Variants in SSPN observed in about 807,000 individuals in gnomAD.
SSPN encodes the protein K-ras oncogene-associated protein.
A neutral mutation model predicts 19.1 loss-of-function variants in SSPN; 15 were observed. The ratio of observed to expected loss-of-function variants is 0.78; its 90% CI spans 0.52 to 1.21. The LOEUF is 1.21. Ranked by LOEUF, SSPN falls within the 50% of genes most tolerant of loss-of-function variation. The pLI is 0.00. For synonymous variants in SSPN, 147 were observed against 140.3 expected, an observed-to-expected ratio of 1.05 and a Z score of -0.34; for missense variants, 291 against 314.0, an observed-to-expected ratio of 0.93 and a Z score of 0.55.
intron 1 of SSPN, among the ~76,000 whole-genome samples, chr12:26,149,403 C>T (rs984043282): frequency 1.4e-4 from 21 of 152,156 alleles, no homozygotes; most frequent in Non-Finnish European, 2.8e-4. Flanking sequence ...AGGTCAAATT[C>T]TGTCCCTAAT....
intron 1 of SSPN, among the ~76,000 whole-genome samples, chr12:26,208,480 A>G (rs984213241): frequency 6.6e-6 from 1 of 152,004 alleles, no homozygotes; most frequent in Non-Finnish European, 1.5e-5. Context: ...TACTTTTGTT[A>G]CTTAATCTTT....
chr12:26,213,054 A>G (rs1346334625), intron 1 of SSPN, among the ~76,000 whole-genome samples: 1 of 151,992 alleles, frequency 6.6e-6, no homozygotes, highest in African/African-American at 2.4e-5. Flanking sequence ...TGGCTGAAAC[A>G]ATTGTGTTTT....
chr12:26,198,403 C>T (rs1056288784), intron 1 of SSPN, among the ~76,000 whole-genome samples: 1 of 152,212 alleles, frequency 6.6e-6, no homozygotes, highest in Non-Finnish European at 1.5e-5. Context: ...CTCTAGGTTT[C>T]CATTTCTTTA....
Position 26,230,980 on chromosome 12 carries a change from C to T in SSPN, c.636C>T (p.Ala212=). ...TCTGCGGCCTTGTGTGCTTGTTGGC[C>T]TGCTTTGTGATGTGGAAACATAGGT... ...NLVCGLVCLL[A]CFVMWKHRYQ... Residue 212 remains alanine (A), a synonymous_variant, in exon 3 of 3, where the codon GCC becomes GCT. Transcript: ENST00000242729. The T allele has an allele frequency of 6.2e-7, 1 of 1,614,156 alleles. No individual in the cohort carries two copies. The highest frequency in any genetic ancestry group is 8.5e-7 in the Non-Finnish European group (1 of 1,180,020).
At chr12:26,122,074 C>G in exon 1 of SSPN, 1 of 1,549,728 alleles carries the variant, frequency 6.5e-7, no homozygotes, top group Non-Finnish European at 8.7e-7. Flanking sequence ...ATTCAGGGAG[C>G]TTCCTTTCCT....
intron 1 of SSPN, chr12:26,214,723 C>T: frequency 6.6e-6 from 1 of 152,168 alleles, no homozygotes; most frequent in South Asian, 2.1e-4. Flanking sequence ...TCACCTTTCT[C>T]ACTTTATCCA....
chr12:26,195,640 C>CGCGGGGGGG lies in SSPN; in HGVS notation c.-31_-30insGGGGGGGGC. ...GCTCCAGGGCCCAGGGCGCCGCACA[C>CGCGGGGGGG]GCACCCACCCACCCACCCAGCCTCG... On this transcript the variant is annotated 5_prime_UTR_variant, in exon 1 of 3. Coordinates refer to ENST00000242729, the MANE Select transcript of SSPN (RefSeq NM_005086.5). 3 of 1,230,350 alleles carry CGCGGGGGGG rather than the reference C, an allele frequency of 2.4e-6. No individual in the cohort carries two copies. Among genetic ancestry groups the CGCGGGGGGG allele is most frequent in the Non-Finnish European group, 2.0e-6 (2 of 986,166 alleles). 76.2% of individuals were successfully genotyped at this position (1,230,350 alleles called of 1,614,324 possible).
At chr12:26,167,657 A>ACT (rs764204661) in intron 1 of SSPN, among the ~76,000 whole-genome samples, 26 of 151,584 alleles carry the variant, frequency 1.7e-4, no homozygotes, top group Non-Finnish European at 2.7e-4. Context: ...GTAGACCGCA[A>ACT]CTCTCTCTCT....
chr12:26,155,344 G>A (rs143497830), intron 1 of SSPN, among the ~76,000 whole-genome samples: 22 of 152,298 alleles, frequency 1.4e-4, no homozygotes, highest in African/African-American at 4.6e-4. Context: ...AAGGAGGGCC[G>A]CAGATGACAA....
chr12:26,122,707 G>C, intron 1 of SSPN: 1 of 1,580,396 alleles, frequency 6.3e-7, no homozygotes, highest in East Asian at 2.4e-5. Flanking sequence ...TCCTCCCCGG[G>C]AGGCTCCTGC....
chr12:26,142,544 G>A (rs1944466988), intron 1 of SSPN, among the ~76,000 whole-genome samples: 1 of 152,192 alleles, frequency 6.6e-6, no homozygotes, highest in Non-Finnish European at 1.5e-5. Context: ...AGGAGGATAT[G>A]AGACAGATTT....
At chr12:26,209,754 A>C (rs1215203514) in intron 1 of SSPN, among the ~76,000 whole-genome samples, 1 of 149,534 alleles carries the variant, frequency 6.7e-6, no homozygotes, top group Non-Finnish European at 1.5e-5. Flanking sequence ...TCTGCTCATT[A>C]CTTCCATTAT....
chr12:26,219,829 T>C (rs1945099787), intron 1 of SSPN, among the ~76,000 whole-genome samples: 1 of 152,200 alleles, frequency 6.6e-6, no homozygotes, highest in African/African-American at 2.4e-5. Context: ...GCCATTTGCC[T>C]TTGTGCTCTG....
intron 1 of SSPN, among the ~76,000 whole-genome samples, chr12:26,170,146 C>T (rs1010214426): frequency 8.5e-5 from 13 of 152,164 alleles, no homozygotes; most frequent in African/African-American, 3.1e-4. Context: ...TCCCCCAATT[C>T]TCAACAATTA....
intron 1 of SSPN, among the ~76,000 whole-genome samples, chr12:26,157,605 C>A (rs1238963070): frequency 6.6e-6 from 1 of 152,284 alleles, no homozygotes; most frequent in South Asian, 2.1e-4. Context: ...CTCACACATA[C>A]CCAGACTTTT....
intron 1 of SSPN, among the ~76,000 whole-genome samples, chr12:26,165,741 T>C (rs1944616826): frequency 3.9e-5 from 6 of 152,210 alleles, no homozygotes; most frequent in Admixed American, 3.9e-4. Flanking sequence ...ATCATTTTTG[T>C]TCATCATTAT....
chr12:26,185,337 A>T (rs1565680982), intron 1 of SSPN, among the ~76,000 whole-genome samples: 1 of 152,208 alleles, frequency 6.6e-6, no homozygotes, highest in Non-Finnish European at 1.5e-5. Flanking sequence ...GTTAAGTAAA[A>T]AATAGTTGTT....
chr12:26,144,106 A>G (rs1944476131), intron 1 of SSPN, among the ~76,000 whole-genome samples: 1 of 152,212 alleles, frequency 6.6e-6, no homozygotes, highest in Non-Finnish European at 1.5e-5. Context: ...AATGTAATGC[A>G]CTTGAATCAT....
intron 1 of SSPN, among the ~76,000 whole-genome samples, chr12:26,189,550 C>T (rs1186989565): frequency 6.6e-6 from 1 of 152,152 alleles, no homozygotes; most frequent in East Asian, 1.9e-4. Context: ...ATCCCTATCA[C>T]TTTCTGCCTC....
Sources: allele counts gnomAD v4.1 joint callset (sites outside exome capture counted in the v4.1 genomes callset), GRCh38; gene constraint gnomAD v4.1.1; transcripts MANE v1.5; gene names NCBI Gene and HGNC (gene_info 2026-07-23, HGNC 2026-07-21).